Variants in FLVCR1 observed in about 807,000 individuals in gnomAD.
The protein encoded by FLVCR1 is FLVCR choline and heme transporter 1.
In FLVCR1, 34 loss-of-function variants were observed where a neutral mutation model predicts 53.6. That is an observed-to-expected ratio of 0.63 (90% confidence interval 0.48 to 0.84). The LOEUF (loss-of-function observed/expected upper bound fraction) is 0.84, where lower values mean the gene tolerates loss of function less well. Among genes scored for constraint, FLVCR1 ranks in the 40% least tolerant of loss-of-function variants. The pLI is 0.00. For missense variants in FLVCR1, 677 were observed against 696.7 expected, an observed-to-expected ratio of 0.97 and a Z score of 0.32; for synonymous variants, 300 against 286.3, an observed-to-expected ratio of 1.05 and a Z score of -0.48.
At chr1:212,888,266 C>G (rs1336317789) in intron 6 of FLVCR1, among the ~76,000 whole-genome samples, 1 of 152,140 alleles carries the variant, frequency 6.6e-6, no homozygotes, top group Non-Finnish European at 1.5e-5. Flanking sequence ...ACTTATAAAA[C>G]TAGAAGTAAA....
At chr1:212,882,204 A>G (rs1196947608) in intron 3 of FLVCR1, among the ~76,000 whole-genome samples, 2 of 152,218 alleles carry the variant, frequency 1.3e-5, no homozygotes, top group African/African-American at 4.8e-5. Flanking sequence ...GTCTTGTTTT[A>G]AACAGTGAAA....
chr1:212,864,417 C>T (rs1366722025), intron 2 of FLVCR1: 1 of 158,574 alleles, frequency 6.3e-6, no homozygotes, highest in Non-Finnish European at 1.4e-5. Context: ...GCACGGCTGC[C>T]ACCACTCGTC....
chr1:212,878,267 C>T (rs1197679968), intron 3 of FLVCR1, among the ~76,000 whole-genome samples: 2 of 152,098 alleles, frequency 1.3e-5, no homozygotes, highest in African/African-American at 4.8e-5. Flanking sequence ...CTTTGGGAGG[C>T]CGAGGCGGGC....
At chr1:212,883,346 A>G (rs775629662) in intron 3 of FLVCR1, 25 bp from the exon 4 acceptor site, 2 of 1,291,150 alleles carry the variant, frequency 1.5e-6, no homozygotes, top group South Asian at 2.4e-5. Flanking sequence ...TCATGACTTA[A>G]TATCATCTTT....
In FLVCR1 at chr1:212,860,350, G is replaced by GTTTTTTTTTTTTTTTTTTTTTTTTT; in HGVS notation, c.738+1178_738+1179insTTTTTTTTTTTTTTTTTTTTTTTTT. 2.4e-3 allele frequency among the ~76,000 whole-genome samples: 205 copies of GTTTTTTTTTTTTTTTTTTTTTTTTT among 85,820 alleles called. 32 individuals carry two copies. The highest frequency in any genetic ancestry group is 5.3e-3 in the East Asian group (13 of 2,430). The allele number at this position is 85,820 out of a possible 152,430, so 56.3% of individuals were successfully genotyped here. A position where few individuals can be genotyped will look rare whatever the true frequency, so the allele number is the denominator to read the frequency against. ...TATTATAAAGTTTTTTGTGTGTGTG[G>GTTTTTTTTTTTTTTTTTTTTTTTTT]TTTTTTTTTTTTTTTTTTGTAGAAA... On this transcript the variant is annotated intron_variant, in intron 1 of 9. Transcript: ENST00000366971.
chr1:212,883,839 CTTTTT>C (rs34065564), intron 4 of FLVCR1, among the ~76,000 whole-genome samples: 4 of 143,438 alleles, frequency 2.8e-5, no homozygotes, highest in Admixed American at 6.8e-5. Flanking sequence ...TATGAATCTC[CTTTTT>C]TTTTTTTTTT....
Position 212,858,963 on chromosome 1 carries a change from A to G in FLVCR1, c.511A>G (p.Arg171Gly), listed in dbSNP as rs767295580. ...CCCGGCCACCTGGCTGCTGGACACC[A>G]GAGGCCTGCGGCTCACCGCCCTGCT... The part of the protein sequence containing the change: ...IFPATWLLDT[R>G]GLRLTALLGS... Residue 171 changes from arginine (R) to glycine (G), a missense_variant, in exon 1 of 10, where the codon AGA becomes GGA. Transcript: ENST00000366971. 2.1e-5 allele frequency: 34 copies of G among 1,614,054 alleles called. No homozygotes were observed. Among genetic ancestry groups the G allele is most frequent in the South Asian group, 3.3e-5 (3 of 91,092 alleles).
Position 212,895,456 on chromosome 1 carries a change from GTTAAA to G in FLVCR1, c.*171_*175del, listed in dbSNP as rs150168053. On this transcript the variant is annotated 3_prime_UTR_variant, in exon 10 of 10. Coordinates refer to ENST00000366971, the MANE Select transcript of FLVCR1 (RefSeq NM_014053.4). Reference sequence around the variant, plus strand: ...TGCATAATTATTATTTTGCTTAATTGTTAAATTAAGGGAAATTTTCTTAAAATTCT... The same window carrying G: ...TGCATAATTATTATTTTGCTTAATTGTTAAGGGAAATTTTCTTAAAATTCT... The G allele has an allele frequency of 1.9e-3, 1,235 of 643,014 alleles. 3 individuals are homozygous for G. Among genetic ancestry groups the G allele is most frequent in the African/African-American group, 0.016 (874 of 54,952 alleles). 39.8% of individuals were successfully genotyped at this position (643,014 alleles called of 1,614,324 possible).
chr1:212,861,680 T>C (rs1265599620), intron 1 of FLVCR1, among the ~76,000 whole-genome samples: 1 of 152,096 alleles, frequency 6.6e-6, no homozygotes, highest in Non-Finnish European at 1.5e-5. Flanking sequence ...TATTTATTTA[T>C]TTATTTTGAG....
chr1:212,886,715 G>A (rs1665074909), intron 5 of FLVCR1, among the ~76,000 whole-genome samples: 1 of 152,064 alleles, frequency 6.6e-6, no homozygotes. Flanking sequence ...AAGGAGAATT[G>A]CTTGAACCCA....
At position 212,863,897 on chromosome 1, in the gene FLVCR1, A is replaced by C. The variant is rs1007004417; in HGVS notation, c.883+28A>C. ...AAGTGAATTACTTTCCCTAAAGCTT[A>C]AATGAATGCATGATAGAAATTTGAG... On this transcript the variant is annotated intron_variant, in intron 2 of 9. Coordinates refer to ENST00000366971, the MANE Select transcript of FLVCR1 (RefSeq NM_014053.4). The C allele has an allele frequency of 8.2e-6, 13 of 1,586,642 alleles. No homozygotes were observed. The African/African-American group carries it at 1.3e-4, about 16-fold the overall frequency.
chr1:212,899,210 T>C lies in FLVCR1; in HGVS notation c.*3920T>C, dbSNP rs1167178049. On this transcript the variant is annotated 3_prime_UTR_variant, in exon 10 of 10. Coordinates refer to ENST00000366971, the MANE Select transcript of FLVCR1 (RefSeq NM_014053.4). ...TGGAGAGATGTCTTTAAAAAATATG[T>C]TTGTGTGTAAAAATGTGTCTGTATG... is the stretch of plus-strand genomic sequence containing the variant. The C allele has an allele frequency of 6.6e-6, 1 of 152,220 alleles. No homozygotes were observed. The highest frequency in any genetic ancestry group is 1.5e-5 in the Non-Finnish European group (1 of 68,026). The allele number at this position is 152,220 out of a possible 1,614,324, so 9.4% of individuals were successfully genotyped here.
At chr1:212,878,528 C>T (rs1423591579) in intron 3 of FLVCR1, among the ~76,000 whole-genome samples, 2 of 77,248 alleles carry the variant, frequency 2.6e-5, no homozygotes, top group Non-Finnish European at 5.5e-5. Flanking sequence ...AGTGAGTCTC[C>T]GTCTCAAAAA....
At chr1:212,872,255 C>T (rs1024308767) in intron 2 of FLVCR1, among the ~76,000 whole-genome samples, 1 of 152,154 alleles carries the variant, frequency 6.6e-6, no homozygotes, top group Non-Finnish European at 1.5e-5. Context: ...GCTGGGATTA[C>T]AGGCATGAGC....
At chr1:212,876,317 G>T (rs1029704401) in intron 3 of FLVCR1, among the ~76,000 whole-genome samples, 1 of 151,680 alleles carries the variant, frequency 6.6e-6, no homozygotes, top group Non-Finnish European at 1.5e-5. Flanking sequence ...TTAGTTTGCT[G>T]AGAATAACTG....
At chr1:212,880,478 G>A (rs6540769) in intron 3 of FLVCR1, among the ~76,000 whole-genome samples, 66,173 of 151,962 alleles carry the variant, frequency 0.44, 15,559 homozygotes, top group East Asian at 0.54. Context: ...CCTACCTTGG[G>A]TGTCACTTGA....
chr1:212,870,743 A>T (rs1242640663), intron 2 of FLVCR1, among the ~76,000 whole-genome samples: 1 of 151,988 alleles, frequency 6.6e-6, no homozygotes, highest in African/African-American at 2.4e-5. Flanking sequence ...GAATCCATTT[A>T]CCTTCTTTTT....
intron 3 of FLVCR1, among the ~76,000 whole-genome samples, chr1:212,873,107 T>C (rs1380235806): frequency 6.6e-6 from 1 of 151,974 alleles, no homozygotes; most frequent in Non-Finnish European, 1.5e-5. Flanking sequence ...AGGAGTTGCA[T>C]GTCAGGACTA....
chr1:212,880,319 A>G (rs962200368), intron 3 of FLVCR1, among the ~76,000 whole-genome samples: 1 of 152,250 alleles, frequency 6.6e-6, no homozygotes, highest in Non-Finnish European at 1.5e-5. Context: ...TGAGTGAAGT[A>G]AGGGCCAAGA....
Sources: gnomAD v4.1 joint callset for allele counts (sites outside exome capture counted in the v4.1 genomes callset) on GRCh38, gnomAD v4.1.1 for gene constraint, MANE v1.5 for transcripts, NCBI Gene and HGNC (gene_info 2026-07-23, HGNC 2026-07-21) for gene names.